ZNF638: variants seen among roughly 807,000 people sequenced by gnomAD.
The protein encoded by ZNF638 is zinc finger protein 638, also known as CTCL tumor antigen se33-1.
Under a neutral mutation model 195.6 loss-of-function variants are expected in ZNF638, and 46 were observed. That is an observed-to-expected ratio of 0.24 (90% CI 0.19 to 0.30). The LOEUF (loss-of-function observed/expected upper bound fraction) is 0.30, where lower values mean the gene tolerates loss of function less well. ZNF638 is among the 10% of genes least tolerant of loss of function. The probability of loss-of-function intolerance (pLI) is 1.00; values close to 1 mark genes in which losing one functional copy is unlikely to be tolerated. For synonymous variants in ZNF638, 845 were observed against 772.0 expected, an observed-to-expected ratio of 1.09 and a Z score of -1.57; for missense variants, 2,440 against 2,325.3, an observed-to-expected ratio of 1.05 and a Z score of -1.01.
At chr2:71,396,542 A>C (rs898683537) in intron 11 of ZNF638, among the ~76,000 whole-genome samples, 1 of 152,148 alleles carries the variant, frequency 6.6e-6, no homozygotes. Context: ...GTAATTATTA[A>C]GTTTTTTCTC....
At chr2:71,393,738 G>A (rs1475730652) in intron 10 of ZNF638, 16 of 650,078 alleles carry the variant, frequency 2.5e-5, no homozygotes, top group Non-Finnish European at 4.2e-5. Flanking sequence ...TGTTAGATCC[G>A]CCTTTCTTAC....
chr2:71,380,946 T>A (rs2079525069), intron 10 of ZNF638: 1 of 48,066 alleles, frequency 2.1e-5, no homozygotes, highest in Non-Finnish European at 7.6e-5. Context: ...ATTTTGGAGG[T>A]TAATTGAGAG....
intron 1 of ZNF638, among the ~76,000 whole-genome samples, chr2:71,342,345 A>G (rs887310093): frequency 4.6e-5 from 7 of 152,036 alleles, no homozygotes; most frequent in African/African-American, 1.7e-4. Flanking sequence ...CAGTATTTTT[A>G]CGTGTCTTGC....
chr2:71,409,707 C>A (rs62146461), intron 20 of ZNF638, among the ~76,000 whole-genome samples: 10 of 152,112 alleles, frequency 6.6e-5, no homozygotes, highest in Admixed American at 2.6e-4. Context: ...TTACTGTGAT[C>A]ATCTGTGTAA....
intron 13 of ZNF638, 37 bp downstream of exon 13, chr2:71,399,682 C>T: frequency 6.5e-7 from 1 of 1,542,446 alleles, no homozygotes; most frequent in South Asian, 1.2e-5. Context: ...GCTTTGTTTT[C>T]TTTTCTTTTT....
At chr2:71,338,513 A>C (rs568083922) in intron 1 of ZNF638, among the ~76,000 whole-genome samples, 9 of 152,306 alleles carry the variant, frequency 5.9e-5, no homozygotes, top group African/African-American at 2.2e-4. Flanking sequence ...TACTTGCTCA[A>C]ACTTATGATG....
intron 20 of ZNF638, among the ~76,000 whole-genome samples, chr2:71,410,967 C>CT (rs2080203224): frequency 1.8e-5 from 2 of 109,808 alleles, no homozygotes; most frequent in Admixed American, 1.0e-4. Flanking sequence ...GGAAGTTTTT[C>CT]TCCCCACCCA....
At chr2:71,376,450 G>A (rs1160148595) in intron 8 of ZNF638, 5 of 152,126 alleles carry the variant, frequency 3.3e-5, no homozygotes, top group African/African-American at 9.7e-5. Flanking sequence ...GCAGGAAGGG[G>A]CAATCTTTTT....
chr2:71,399,736 T>C, intron 13 of ZNF638, 91 bp downstream of exon 13: 1 of 967,838 alleles, frequency 1.0e-6, no homozygotes, highest in Non-Finnish European at 1.6e-6. Context: ...GTTTCTTACA[T>C]AGGTAAACGT....
intron 8 of ZNF638, among the ~76,000 whole-genome samples, chr2:71,377,569 C>T (rs2079454274): frequency 6.6e-6 from 1 of 152,170 alleles, no homozygotes; most frequent in Non-Finnish European, 1.5e-5. Flanking sequence ...CATTTTAATT[C>T]TGAAACTATT....
intron 10 of ZNF638, among the ~76,000 whole-genome samples, chr2:71,386,697 C>T (rs1351042074): frequency 6.6e-6 from 1 of 151,836 alleles, no homozygotes; most frequent in East Asian, 1.9e-4. Context: ...TAAAGAAGAG[C>T]TCCTTATGTA....
chr2:71,428,023 C>T (rs994356778), intron 24 of ZNF638, among the ~76,000 whole-genome samples: 1 of 152,060 alleles, frequency 6.6e-6, no homozygotes, highest in African/African-American at 2.4e-5. Flanking sequence ...AAGACTCCGT[C>T]TCTACAAAAA....
chr2:71,399,119 G>A (rs2079953954), intron 12 of ZNF638, among the ~76,000 whole-genome samples: 2 of 151,896 alleles, frequency 1.3e-5, no homozygotes, highest in Admixed American at 1.3e-4. Flanking sequence ...CAGTTTCTTA[G>A]ATGCTTGTTA....
At position 71,364,272 on chromosome 2, in the gene ZNF638, A is replaced by G; in HGVS notation, c.1717+20A>G. ...CATCAGGTACACTGATGGCCATGAA[A>G]TAGTGAATGTACTTATTTTGACTAA... is the stretch of plus-strand genomic sequence containing the variant. On this transcript the variant is annotated intron_variant, in intron 5 of 27. Transcript: ENST00000264447. 1 of 1,593,216 alleles carries G rather than the reference A, an allele frequency of 6.3e-7. No individual in the cohort carries two copies. Among genetic ancestry groups the G allele is most frequent in the Non-Finnish European group, 8.6e-7 (1 of 1,169,156 alleles).
At chr2:71,419,348 T>C (rs1020022121) in intron 21 of ZNF638, among the ~76,000 whole-genome samples, 1 of 152,212 alleles carries the variant, frequency 6.6e-6, no homozygotes, top group African/African-American at 2.4e-5. Flanking sequence ...GAGTCATCAA[T>C]ATTTATTAGT....
At chr2:71,356,581 A>G (rs1289055401) in intron 3 of ZNF638, among the ~76,000 whole-genome samples, 2 of 152,116 alleles carry the variant, frequency 1.3e-5, no homozygotes, top group East Asian at 3.9e-4. Context: ...GCTTGAGCTC[A>G]GGAGTTCAGC....
At chr2:71,345,282 G>C (rs2078831469) in intron 1 of ZNF638, among the ~76,000 whole-genome samples, 1 of 152,100 alleles carries the variant, frequency 6.6e-6, no homozygotes, top group Non-Finnish European at 1.5e-5. Context: ...CTCAGAGAAG[G>C]GGTGACCATT....
chr2:71,423,191 C>CTGACA lies in ZNF638; in HGVS notation c.3678_3682dup (p.Ser1228MetfsTer15). 6.2e-7 allele frequency: 1 copy of CTGACA among 1,614,136 alleles called. No homozygotes were observed. Among genetic ancestry groups the CTGACA allele is most frequent in the Non-Finnish European group, 8.5e-7 (1 of 1,180,004 alleles). On this transcript the variant is annotated frameshift_variant, in exon 22 of 28. Transcript: ENST00000264447. LOFTEE classifies it high-confidence loss of function. ...AACCCTAAAACAGCATTGTTACCAT[C>CTGACA]TGACAGTGTGTTTGCAGAAGAAAGG...
intron 21 of ZNF638, among the ~76,000 whole-genome samples, chr2:71,422,215 A>G (rs1482530335): frequency 6.6e-6 from 1 of 152,164 alleles, no homozygotes; most frequent in African/African-American, 2.4e-5. Flanking sequence ...AATAGAGTAT[A>G]TAAAGAATAC....
Sources: gnomAD v4.1 joint callset for allele counts (sites outside exome capture counted in the v4.1 genomes callset) on GRCh38, gnomAD v4.1.1 for gene constraint, MANE v1.5 for transcripts, NCBI Gene and HGNC (gene_info 2026-07-23, HGNC 2026-07-21) for gene names.